PUM1: variants seen among roughly 807,000 people sequenced by gnomAD.
PUM1 encodes the protein pumilio homolog 1.
In PUM1, 13 loss-of-function variants were observed where a neutral mutation model predicts 131.8. The observed-to-expected ratio is 0.10, with a 90% CI of 0.06 to 0.16. The LOEUF (loss-of-function observed/expected upper bound fraction) is 0.16, where lower values mean the gene tolerates loss of function less well. PUM1 is among the 10% of genes least tolerant of loss of function. The pLI is 1.00. For missense variants in PUM1, 961 were observed against 1,512.4 expected, an observed-to-expected ratio of 0.64 and a Z score of 6.05; for synonymous variants, 509 against 556.5, an observed-to-expected ratio of 0.91 and a Z score of 1.20.
intron 14 of PUM1, among the ~76,000 whole-genome samples, chr1:30,957,046 C>T (rs1176749569): frequency 2.0e-5 from 3 of 150,660 alleles, no homozygotes. Flanking sequence ...TGCCTCTTAT[C>T]TCCTTAGATG....
intron 20 of PUM1, among the ~76,000 whole-genome samples, chr1:30,940,865 A>G (rs1434412698): frequency 4.6e-5 from 7 of 152,212 alleles, no homozygotes; most frequent in Non-Finnish European, 1.0e-4. Flanking sequence ...ACATTTCACA[A>G]TTCCAAACAA....
chr1:31,038,976 ATATATATATTT>A (rs1456246805), intron 2 of PUM1, among the ~76,000 whole-genome samples: 2 of 30,882 alleles, frequency 6.5e-5, no homozygotes, highest in East Asian at 1.9e-3. Context: ...ATATATATAT[ATATATATATTT>A]TTTTTTTTTT....
chr1:30,974,207 A>G (rs1379621121), intron 10 of PUM1, among the ~76,000 whole-genome samples: 1 of 152,230 alleles, frequency 6.6e-6, no homozygotes, highest in East Asian at 1.9e-4. Context: ...GCTAATGCAG[A>G]TATGATAGTT....
At chr1:31,015,660 A>C (rs1256336498) in intron 3 of PUM1, among the ~76,000 whole-genome samples, 3 of 134,570 alleles carry the variant, frequency 2.2e-5, no homozygotes, top group Non-Finnish European at 4.8e-5. Context: ...TAATTTATTT[A>C]TTTTTCTTTT....
chr1:30,984,268 G>A (rs1474377497), intron 7 of PUM1, among the ~76,000 whole-genome samples: 1 of 152,148 alleles, frequency 6.6e-6, no homozygotes, highest in Non-Finnish European at 1.5e-5. Context: ...AGCAATTTTG[G>A]CACATTCTCT....
intron 5 of PUM1, 100 bp from the exon 6 acceptor site, chr1:30,995,320 G>GAT: frequency 7.8e-7 from 1 of 1,284,830 alleles, no homozygotes; most frequent in Admixed American, 1.9e-5. Flanking sequence ...CTCAGAAGAG[G>GAT]ATAGTGTTGT....
chr1:30,937,896 C>T (rs1337464437), intron 20 of PUM1, among the ~76,000 whole-genome samples: 4 of 151,996 alleles, frequency 2.6e-5, no homozygotes, highest in Admixed American at 6.6e-5. Flanking sequence ...CTCAGCCTCC[C>T]GAGCACCTGG....
chr1:30,992,732 G>A, intron 6 of PUM1, 72 bp from the exon 7 acceptor site: 3 of 1,330,492 alleles, frequency 2.3e-6, no homozygotes, highest in Admixed American at 4.1e-5. Flanking sequence ...CAAGTTTAAG[G>A]ACAATGTCCT....
At chr1:30,992,189 G>A (rs1641818547) in intron 7 of PUM1, among the ~76,000 whole-genome samples, 1 of 152,110 alleles carries the variant, frequency 6.6e-6, no homozygotes, top group African/African-American at 2.4e-5. Context: ...AGAGGACGGT[G>A]GCCTCTTGCC....
chr1:30,972,262 AGAAAAGAAGG>A (rs1458958141), intron 10 of PUM1, among the ~76,000 whole-genome samples: 100 of 26,168 alleles, frequency 3.8e-3, no homozygotes, highest in East Asian at 0.013. Context: ...CAGAAAGAAA[AGAAAAGAAGG>A]GAAGGGAAGG....
intron 2 of PUM1, among the ~76,000 whole-genome samples, chr1:31,044,341 G>A (rs185586000): frequency 1.9e-3 from 286 of 152,284 alleles, no homozygotes; most frequent in African/African-American, 6.5e-3. Context: ...GGCGGAGCCT[G>A]CAGTGAGCTG....
At chr1:30,967,399 A>C in intron 11 of PUM1, 89 bp from the exon 12 acceptor site, 71 of 1,378,554 alleles carry the variant, frequency 5.2e-5, no homozygotes, top group Non-Finnish European at 6.3e-5. Flanking sequence ...TCACAAACTC[A>C]GCTTTGAGGT....
chr1:31,000,379 A>G (rs1229483770), intron 5 of PUM1, among the ~76,000 whole-genome samples: 5 of 152,226 alleles, frequency 3.3e-5, no homozygotes, highest in African/African-American at 4.8e-5. Context: ...GCCAAGCCCA[A>G]TCAAAATCTC....
chr1:31,018,047 G>GT (rs1470145687), intron 3 of PUM1, among the ~76,000 whole-genome samples: 19 of 152,130 alleles, frequency 1.2e-4, no homozygotes, highest in Non-Finnish European at 1.8e-4. Flanking sequence ...TTTTGTTTTT[G>GT]TTTTTTTAAG....
intron 2 of PUM1, among the ~76,000 whole-genome samples, chr1:31,047,665 G>A (rs984619661): frequency 1.1e-4 from 16 of 152,212 alleles, no homozygotes; most frequent in Non-Finnish European, 1.9e-4. Flanking sequence ...CCCACTGGCT[G>A]GGCATGGTGG....
At chr1:30,999,606 CAAAAAAAAAAAAAAAAAAAAAAAAA>C (rs56936440) in intron 5 of PUM1, among the ~76,000 whole-genome samples, 4 of 53,956 alleles carry the variant, frequency 7.4e-5, no homozygotes, top group East Asian at 6.8e-4. Flanking sequence ...GACTCTGTCT[CAAAAAAAAAAAAAAAAAAAAAAAAA>C]AAAAAAAAAA....
chr1:31,064,115 T>C (rs1031885407), intron 1 of PUM1, among the ~76,000 whole-genome samples: 2 of 152,284 alleles, frequency 1.3e-5, no homozygotes, highest in Admixed American at 6.6e-5. Context: ...ACTAATTGAG[T>C]TGAATTCAAA....
intron 3 of PUM1, among the ~76,000 whole-genome samples, chr1:31,027,499 T>A (rs1481052415): frequency 2.0e-5 from 3 of 152,200 alleles, no homozygotes; most frequent in Non-Finnish European, 2.9e-5. Flanking sequence ...TTGCATTGTG[T>A]CAGTGACATT....
chr1:30,953,702 C>G lies in PUM1; in HGVS notation c.2591+12G>C, dbSNP rs1340076726. 6.2e-7 allele frequency: 1 copy of G among 1,613,700 alleles called. No homozygotes were observed. Among genetic ancestry groups the G allele is most frequent in the Non-Finnish European group, 8.5e-7 (1 of 1,179,708 alleles). Reference sequence around the variant, plus strand: ...TTTCGGGTACCTTAAAGTGCCAAAGCCAAGTACTCACCTGGACCCATGCTG... The same window carrying G: ...TTTCGGGTACCTTAAAGTGCCAAAGGCAAGTACTCACCTGGACCCATGCTG... On this transcript the variant is annotated intron_variant, in intron 15 of 21. Transcript: ENST00000426105.
Sources: allele counts gnomAD v4.1 joint callset (sites outside exome capture counted in the v4.1 genomes callset), GRCh38; gene constraint gnomAD v4.1.1; transcripts MANE v1.5; gene names NCBI Gene and HGNC (gene_info 2026-07-23, HGNC 2026-07-21).